TM9SF3: variants seen among roughly 807,000 people sequenced by gnomAD.
TM9SF3 encodes the protein SM-11044-binding protein.
A neutral mutation model predicts 78.6 loss-of-function variants in TM9SF3; 14 were observed. That is an observed-to-expected ratio of 0.18 (90% CI 0.12 to 0.28). TM9SF3 has a LOEUF of 0.28. Ranked by LOEUF, TM9SF3 falls within the 10% of genes least tolerant of loss-of-function variation. The pLI is 1.00. For synonymous variants in TM9SF3, 231 were observed against 241.7 expected, an observed-to-expected ratio of 0.96 and a Z score of 0.41; for missense variants, 496 against 721.9, an observed-to-expected ratio of 0.69 and a Z score of 3.59.
intron 8 of TM9SF3, among the ~76,000 whole-genome samples, chr10:96,546,393 T>G (rs373328244): frequency 5.9e-5 from 9 of 152,230 alleles, no homozygotes; most frequent in African/African-American, 1.9e-4. Context: ...CTGGGTGTTC[T>G]TAACTTGCAG....
At chr10:96,574,425 C>A (rs2861555) in intron 2 of TM9SF3, among the ~76,000 whole-genome samples, 1 of 151,938 alleles carries the variant, frequency 6.6e-6, no homozygotes, top group Non-Finnish European at 1.5e-5. Context: ...CAGGAAACAA[C>A]AGATGCTGGA....
rs1234334188 is a variant in TM9SF3, at chr10:96,519,026, G to A, written c.*3237C>T. On this transcript the variant is annotated 3_prime_UTR_variant, in exon 15 of 15. Transcript: ENST00000371142. The stretch of plus-strand genomic sequence containing the variant: ...GAACTGCCATATAGATTACAAATGG[G>A]TCTCCCCACCACAGAATTCATATAC... The A allele has an allele frequency of 6.6e-6, 1 of 151,998 alleles. No homozygotes were observed. Among genetic ancestry groups the A allele is most frequent in the Non-Finnish European group, 1.5e-5 (1 of 67,914 alleles). 9.4% of individuals were successfully genotyped at this position (151,998 alleles called of 1,614,324 possible).
chr10:96,558,175 G>A lies in TM9SF3; in HGVS notation c.660+1484C>T, dbSNP rs142059310. Among the ~76,000 whole-genome samples, 38 of 152,280 alleles carry A rather than the reference G, an allele frequency of 2.5e-4. 1 individual carries two copies. Among genetic ancestry groups the A allele is most frequent in the African/African-American group, 8.9e-4 (37 of 41,540 alleles). ...AGTTCCAGTAGTGAGTGCCAGTTAA[G>A]AGCCTTCATATTCTCAAATGTTATC... is the stretch of plus-strand genomic sequence containing the variant. On this transcript the variant is annotated intron_variant, in intron 5 of 14. Transcript: ENST00000371142.
At position 96,553,030 on chromosome 10, in the gene TM9SF3, G is replaced by T; in HGVS notation, c.690C>A (p.Phe230Leu). The change falls in exon 6 of 15, where the codon TTC becomes TTA. Residue 230 changes from phenylalanine (F) to leucine (L), a missense_variant. By Grantham distance (22) the Phe-to-Leu change is conservative (BLOSUM62 0). Transcript: ENST00000371142. ...AGCCCACCAAGAAGATCACCATCAT[G>T]AAGGAGTTGAAAATTGAAAACCAAT... Reference protein sequence around the residue: ...RIHWFSIFNSFMMVIFLVGLV... With the variant: ...RIHWFSIFNSLMMVIFLVGLV... 6.3e-7 allele frequency: 1 copy of T among 1,596,138 alleles called. No homozygotes were observed.
intron 7 of TM9SF3, among the ~76,000 whole-genome samples, chr10:96,549,815 TTTAA>T (rs1848146208): frequency 8.2e-5 from 1 of 12,166 alleles, no homozygotes; most frequent in Admixed American, 1.4e-3. Flanking sequence ...GCTTCTGCAT[TTTAA>T]AAAAAAAAAA....
At chr10:96,583,100 A>G (rs1848590975) in intron 1 of TM9SF3, among the ~76,000 whole-genome samples, 1 of 151,772 alleles carries the variant, frequency 6.6e-6, no homozygotes, top group African/African-American at 2.4e-5. Flanking sequence ...AAAAGAAAAA[A>G]AAGAAAGAAA....
chr10:96,572,525 CTTTTTTTTT>C (rs35050136), intron 2 of TM9SF3, among the ~76,000 whole-genome samples: 1 of 131,528 alleles, frequency 7.6e-6, no homozygotes, highest in Non-Finnish European at 1.6e-5. Context: ...AACGCATTTT[CTTTTTTTTT>C]TTTTTTTTTT....
rs1848110724 is a variant in TM9SF3, at chr10:96,547,128, G to T, written c.1054+767C>A. 2.0e-5 allele frequency among the ~76,000 whole-genome samples: 3 copies of T among 152,318 alleles called. No homozygotes were observed. In the South Asian group the frequency reaches 6.2e-4, roughly 32 times the overall value. On this transcript the variant is annotated intron_variant, in intron 8 of 14. Transcript: ENST00000371142. Reference sequence around the variant, plus strand: ...GACAAAGTGCTCTTAGCAAGAGACTGTGACAGTGACAAAGAATAGCAGAAA... The same window carrying T: ...GACAAAGTGCTCTTAGCAAGAGACTTTGACAGTGACAAAGAATAGCAGAAA...
intron 3 of TM9SF3, among the ~76,000 whole-genome samples, chr10:96,564,186 G>A (rs1463289922): frequency 1.3e-5 from 2 of 151,262 alleles, no homozygotes; most frequent in Non-Finnish European, 2.9e-5. Context: ...CAGCTGCTCA[G>A]GAGACCAAGG....
chr10:96,547,886 G>GT lies in TM9SF3; in HGVS notation c.1054+8dup. ...AATTAACAACATGAAGTGAGAATTC[G>GT]TAAGTTACCTCCTTGTCTAGCATAC... On this transcript the variant is annotated intron_variant, in intron 8 of 14. Coordinates refer to ENST00000371142, the MANE Select transcript of TM9SF3 (RefSeq NM_020123.4). 1 of 1,593,438 alleles carries GT rather than the reference G, an allele frequency of 6.3e-7. No homozygotes were observed. The highest frequency in any genetic ancestry group is 8.5e-7 in the Non-Finnish European group (1 of 1,169,596).
chr10:96,575,164 T>A (rs1848482966), intron 2 of TM9SF3, among the ~76,000 whole-genome samples: 1 of 152,150 alleles, frequency 6.6e-6, no homozygotes, highest in African/African-American at 2.4e-5. Flanking sequence ...AGTAGCAAAG[T>A]AGGACTCAGG....
intron 4 of TM9SF3, among the ~76,000 whole-genome samples, chr10:96,561,259 A>G (rs970539584): frequency 6.6e-6 from 1 of 152,362 alleles, no homozygotes; most frequent in South Asian, 2.1e-4. Flanking sequence ...ATAATAAAAA[A>G]AAATCTGTAA....
chr10:96,524,141 T>G (rs1847813138), intron 14 of TM9SF3, among the ~76,000 whole-genome samples: 1 of 151,874 alleles, frequency 6.6e-6, no homozygotes, highest in East Asian at 1.9e-4. Context: ...TATATAGTAT[T>G]GTCCCTATTT....
intron 9 of TM9SF3, among the ~76,000 whole-genome samples, chr10:96,539,275 T>C (rs61858545): frequency 1.3e-5 from 2 of 152,172 alleles, no homozygotes; most frequent in Non-Finnish European, 2.9e-5. Context: ...ATTCAAGACC[T>C]GCCTGGCCAA....
chr10:96,533,102 T>C lies in TM9SF3; in HGVS notation c.1274A>G (p.Asn425Ser), dbSNP rs1847916458. 10 of 1,614,116 alleles carry C rather than the reference T, an allele frequency of 6.2e-6. No homozygotes were observed. The highest frequency in any genetic ancestry group is 1.7e-5 in the Admixed American group (1 of 60,022). Reference sequence around the variant, plus strand: ...CACAGCATTGACACGACAAGGAAAGTTGGGCTGACCTGACAGATTTCGGCC... The same window carrying C: ...CACAGCATTGACACGACAAGGAAAGCTGGGCTGACCTGACAGATTTCGGCC... ...ILGRNLSGQP[N>S]FPCRVNAVPR... Residue 425 changes from asparagine (N) to serine (S), a missense_variant, in exon 10 of 15, where the codon AAC becomes AGC. Transcript: ENST00000371142.
chr10:96,539,180 G>A (rs1267912218), intron 9 of TM9SF3, among the ~76,000 whole-genome samples: 1 of 152,080 alleles, frequency 6.6e-6, no homozygotes, highest in Non-Finnish European at 1.5e-5. Flanking sequence ...ATTCATAAAT[G>A]CAACATCAGG....
intron 8 of TM9SF3, among the ~76,000 whole-genome samples, chr10:96,547,489 G>C (rs1848115804): frequency 6.6e-6 from 1 of 151,916 alleles, no homozygotes; most frequent in Non-Finnish European, 1.5e-5. Context: ...CACACAATAG[G>C]TTTGGTAGAA....
intron 5 of TM9SF3, 149 bp from the exon 6 acceptor site, chr10:96,553,208 G>A (rs1382377553): frequency 1.8e-5 from 14 of 760,844 alleles, no homozygotes; most frequent in Non-Finnish European, 2.3e-5. Flanking sequence ...CAGACACTTT[G>A]AGGATGAGTA....
intron 3 of TM9SF3, among the ~76,000 whole-genome samples, chr10:96,564,809 C>T (rs1453764601): frequency 6.6e-6 from 1 of 152,144 alleles, no homozygotes; most frequent in African/African-American, 2.4e-5. Context: ...TTGGCATTAA[C>T]TATTCCATAG....
Sources: gnomAD v4.1 joint callset for allele counts (sites outside exome capture counted in the v4.1 genomes callset) on GRCh38, gnomAD v4.1.1 for gene constraint, MANE v1.5 for transcripts, NCBI Gene and HGNC (gene_info 2026-07-23, HGNC 2026-07-21) for gene names.